MAP2K5: variants seen among roughly 807,000 people sequenced by gnomAD.
MAP2K5 encodes the protein dual specificity mitogen-activated protein kinase kinase 5.
MAP2K5 carries 49 observed loss-of-function variants against 83.1 expected under a neutral mutation model. The ratio of observed to expected loss-of-function variants is 0.59; its 90% CI spans 0.47 to 0.75. The LOEUF is 0.75. MAP2K5 is among the 30% of genes least tolerant of loss of function. MAP2K5 has a pLI of 0.00. For missense variants in MAP2K5, 457 were observed against 557.5 expected (o/e 0.82, Z 1.82); for synonymous variants, 202 against 191.8 (o/e 1.05, Z -0.44).
chr15:67,600,892 A>G (rs1279500089), intron 8 of MAP2K5, 143 bp downstream of exon 8: 18 of 604,124 alleles, frequency 3.0e-5, no homozygotes, highest in African/African-American at 3.8e-5. Flanking sequence ...CAAGACATCT[A>G]TTTTCTCAAG....
At chr15:67,596,667 G>T (rs1466441853) in intron 7 of MAP2K5, among the ~76,000 whole-genome samples, 1 of 152,164 alleles carries the variant, frequency 6.6e-6, no homozygotes, top group Non-Finnish European at 1.5e-5. Context: ...CCCATGGGTT[G>T]TTGCTGTCTC....
rs1199740867 is a variant in MAP2K5 at position 67,611,184 on chromosome 15, T to C, written c.545+10435T>C. On this transcript the variant is annotated intron_variant, in intron 8 of 21. Transcript: ENST00000178640. ...CATAATTAAATTTTCAGAAAAGTTA[T>C]CTAAAAATTATGAATAAAATATATT... Among the ~76,000 whole-genome samples the C allele has an allele frequency of 3.9e-5, 6 of 152,194 alleles. No homozygotes were observed. In the East Asian group the frequency reaches 1.2e-3, roughly 29 times the overall value.
chr15:67,650,944 G>A (rs779390649), intron 11 of MAP2K5, among the ~76,000 whole-genome samples: 33 of 152,288 alleles, frequency 2.2e-4, no homozygotes, highest in Non-Finnish European at 3.8e-4. Flanking sequence ...GCTGGACAGG[G>A]TGGCTCACGC....
At chr15:67,546,595 T>C in intron 1 of MAP2K5, 1 of 985,540 alleles carries the variant, frequency 1.0e-6, no homozygotes, top group Non-Finnish European at 1.2e-6. Context: ...GGTAGAGACA[T>C]TTGGGTCTTC....
At chr15:67,558,904 A>C (rs1467392411) in intron 2 of MAP2K5, among the ~76,000 whole-genome samples, 1 of 152,224 alleles carries the variant, frequency 6.6e-6, no homozygotes, top group Non-Finnish European at 1.5e-5. Flanking sequence ...TGCCCAGAAC[A>C]GTGCCCACCA....
At chr15:67,753,497 A>G (rs2089767456) in intron 19 of MAP2K5, among the ~76,000 whole-genome samples, 1 of 152,208 alleles carries the variant, frequency 6.6e-6, no homozygotes, top group African/African-American at 2.4e-5. Flanking sequence ...AATGATAAAT[A>G]AAAAGACAAA....
At chr15:67,597,203 T>C (rs2085547309) in intron 7 of MAP2K5, among the ~76,000 whole-genome samples, 1 of 152,014 alleles carries the variant, frequency 6.6e-6, no homozygotes, top group African/African-American at 2.4e-5. Context: ...AAAAACTACT[T>C]GGTATTGTTG....
intron 8 of MAP2K5, among the ~76,000 whole-genome samples, chr15:67,620,831 A>C (rs1323638896): frequency 6.6e-6 from 1 of 152,228 alleles, no homozygotes; most frequent in Non-Finnish European, 1.5e-5. Flanking sequence ...TAAAACAGTG[A>C]ATAGAATGTG....
At chr15:67,599,467 C>T (rs1488805473) in intron 7 of MAP2K5, among the ~76,000 whole-genome samples, 2 of 152,204 alleles carry the variant, frequency 1.3e-5, no homozygotes, top group Non-Finnish European at 2.9e-5. Context: ...TATCACAGCT[C>T]TCTGAAGCTT....
chr15:67,567,577 G>A (rs1215405224), intron 3 of MAP2K5, among the ~76,000 whole-genome samples: 7 of 151,612 alleles, frequency 4.6e-5, no homozygotes. Flanking sequence ...TGTTAGCCGG[G>A]ATGGTCTCGA....
rs2084684637 is a variant in MAP2K5 at position 67,559,095 on chromosome 15, G to A, written c.185-4188G>A. On this transcript the variant is annotated intron_variant, in intron 2 of 21. Coordinates refer to ENST00000178640, the MANE Select transcript of MAP2K5 (RefSeq NM_145160.3). The surrounding 1 kb of genome is among the most constrained non-coding windows in gnomAD (Gnocchi z 4.7). Reference sequence around the variant, plus strand: ...CGTGCCTGAGAAGGGCTTTAAACATGACATCTTTTCCGGTAGTTTCCTGTT... The same window carrying A: ...CGTGCCTGAGAAGGGCTTTAAACATAACATCTTTTCCGGTAGTTTCCTGTT... Among the ~76,000 whole-genome samples the A allele has an allele frequency of 1.3e-5, 2 of 152,202 alleles. No homozygotes were observed. The highest frequency in any genetic ancestry group is 2.1e-4 in the South Asian group (1 of 4,826).
rs956289435 is a variant in MAP2K5 at position 67,628,953 on chromosome 15, A to G, written c.546-1935A>G. 13 of 763,232 alleles carry G rather than the reference A, an allele frequency of 1.7e-5. No individual in the cohort carries two copies. The African/African-American group carries it at 1.9e-4, about 11-fold the overall frequency. The allele number at this position is 763,232 out of a possible 1,614,324, so 47.3% of individuals were successfully genotyped here. A position where few individuals can be genotyped will look rare whatever the true frequency, so the allele number is the denominator to read the frequency against. On this transcript the variant is annotated intron_variant, in intron 8 of 21. Transcript: ENST00000178640. ...CAATTTTGGAGGTGGTGGAAGCTACAATGATTTTGGCAATTTCAACAATCA... is the reference window on the plus strand; with the variant it reads ...CAATTTTGGAGGTGGTGGAAGCTACGATGATTTTGGCAATTTCAACAATCA...
In MAP2K5 at chr15:67,698,318, G is replaced by A. The variant is rs1189818334; in HGVS notation, c.972+4750G>A. On this transcript the variant is annotated intron_variant, in intron 15 of 21. Coordinates refer to ENST00000178640, the MANE Select transcript of MAP2K5 (RefSeq NM_145160.3). This position sits in a 1 kb window ranked among gnomAD's most constrained non-coding sequence, Gnocchi z 4.5. ...TTCTCCTGCCTCAGCCTCCAGAGTA[G>A]CTGGGATTACAGGCGTGCACCACCA... is the stretch of plus-strand genomic sequence containing the variant. 6.6e-6 allele frequency among the ~76,000 whole-genome samples: 1 copy of A among 152,042 alleles called. No individual in the cohort carries two copies. Among genetic ancestry groups the A allele is most frequent in the Non-Finnish European group, 1.5e-5 (1 of 68,018 alleles).
At chr15:67,800,414 A>G (rs903002280) in intron 21 of MAP2K5, among the ~76,000 whole-genome samples, 1 of 152,176 alleles carries the variant, frequency 6.6e-6, no homozygotes, top group African/African-American at 2.4e-5. Flanking sequence ...CAGGGTCACA[A>G]GGGCCAGTGG....
chr15:67,747,850 G>A lies in MAP2K5; in HGVS notation c.1075-381G>A, dbSNP rs780526222. 1.3e-4 allele frequency among the ~76,000 whole-genome samples: 20 copies of A among 152,096 alleles called. No individual in the cohort carries two copies. The highest frequency in any genetic ancestry group is 4.1e-4 in the African/African-American group (17 of 41,428). ...ATTTAATTTCAATTTTAAATAAATC[G>A]GTTTTTAATTTAAAAAGAGTGAGCT... On this transcript the variant is annotated intron_variant, in intron 17 of 21. Coordinates refer to ENST00000178640, the MANE Select transcript of MAP2K5 (RefSeq NM_145160.3). The surrounding 1 kb of genome is among the most constrained non-coding windows in gnomAD (Gnocchi z 4.1).
At position 67,638,555 on chromosome 15, in the gene MAP2K5, T is replaced by C. The variant is rs556844654; in HGVS notation, c.585+7628T>C. ...CATTTGCATGCGTGTGTCTTTATAA[T>C]AGAATGCTTTATATTCATTTGGGTA... On this transcript the variant is annotated intron_variant, in intron 9 of 21. Coordinates refer to ENST00000178640, the MANE Select transcript of MAP2K5 (RefSeq NM_145160.3). This position sits in a 1 kb window ranked among gnomAD's most constrained non-coding sequence, Gnocchi z 4.5. Among the ~76,000 whole-genome samples, 44 of 152,130 alleles carry C rather than the reference T, an allele frequency of 2.9e-4. No homozygotes were observed. The highest frequency in any genetic ancestry group is 9.1e-4 in the African/African-American group (38 of 41,584).
intron 3 of MAP2K5, among the ~76,000 whole-genome samples, chr15:67,568,237 A>G (rs2084882041): frequency 6.6e-6 from 1 of 152,158 alleles, no homozygotes; most frequent in Non-Finnish European, 1.5e-5. Flanking sequence ...CTTATATTTA[A>G]GTGAAGTGTA....
At chr15:67,650,353 A>C (rs1430726029) in intron 11 of MAP2K5, among the ~76,000 whole-genome samples, 1 of 152,208 alleles carries the variant, frequency 6.6e-6, no homozygotes, top group Non-Finnish European at 1.5e-5. Context: ...AACCTTCAGT[A>C]CAATGTTGAA....
At chr15:67,706,367 G>A (rs1475393885) in intron 16 of MAP2K5, among the ~76,000 whole-genome samples, 1 of 152,166 alleles carries the variant, frequency 6.6e-6, no homozygotes, top group African/African-American at 2.4e-5. Flanking sequence ...GGATCGAAGA[G>A]GATTAGGTAT....
Sources: gnomAD v4.1 joint callset for allele counts (sites outside exome capture counted in the v4.1 genomes callset) on GRCh38, gnomAD v4.1.1 for gene constraint, Gnocchi (gnomAD v3.1) non-coding constraint, MANE v1.5 for transcripts, NCBI Gene and HGNC (gene_info 2026-07-23, HGNC 2026-07-21) for gene names.